The following GOLPH3 variants were observed in gnomAD, a reference collection of about 807,000 sequenced individuals.
The protein encoded by GOLPH3 is coat protein GPP34.
A neutral mutation model predicts 28.5 loss-of-function variants in GOLPH3; 14 were observed. That is an observed-to-expected ratio of 0.49 (90% confidence interval 0.32 to 0.77). The LOEUF is 0.77. GOLPH3 is among the 30% of genes least tolerant of loss of function. The probability of loss-of-function intolerance (pLI) is 0.03; values close to 1 mark genes in which losing one functional copy is unlikely to be tolerated. For synonymous variants in GOLPH3, 158 were observed against 159.2 expected (o/e 0.99, Z 0.06); for missense variants, 350 against 393.7 (o/e 0.89, Z 0.94).
chr5:32,154,186 C>G (rs140205660), intron 1 of GOLPH3, among the ~76,000 whole-genome samples: 4 of 152,194 alleles, frequency 2.6e-5, no homozygotes, highest in African/African-American at 9.7e-5. Flanking sequence ...CCATACCTCA[C>G]TAGATACCAC....
chr5:32,137,901 T>G (rs1213846886), intron 2 of GOLPH3, among the ~76,000 whole-genome samples: 6 of 4,026 alleles, frequency 1.5e-3, no homozygotes, highest in Admixed American at 4.5e-3. Flanking sequence ...AACATTACGG[T>G]TTTTTTTGTT....
At chr5:32,156,255 T>C (rs1433789800) in intron 1 of GOLPH3, among the ~76,000 whole-genome samples, 3 of 152,090 alleles carry the variant, frequency 2.0e-5, no homozygotes, top group African/African-American at 7.2e-5. Flanking sequence ...CCCAGCACTT[T>C]GGGAGGCTGA....
chr5:32,168,196 CTGAA>C (rs1746756007), intron 1 of GOLPH3, among the ~76,000 whole-genome samples: 1 of 152,160 alleles, frequency 6.6e-6, no homozygotes, highest in Non-Finnish European at 1.5e-5. Context: ...TACTTGTTGA[CTGAA>C]TTTCTGATTT....
rs1338137730 is a variant in GOLPH3, at chr5:32,169,895, CCT to C, written c.225+3913_225+3914del. 2.0e-5 allele frequency among the ~76,000 whole-genome samples: 3 copies of C among 151,540 alleles called. No individual in the cohort carries two copies. In the East Asian group the frequency reaches 5.8e-4, roughly 29 times the overall value. ...AAATCTTCTGAGGGGACTAGCCATC[CCT>C]GTTTTATAAAAGCAAAAAACAAATA... is the stretch of plus-strand genomic sequence containing the variant. On this transcript the variant is annotated intron_variant, in intron 1 of 3. Coordinates refer to ENST00000265070, the MANE Select transcript of GOLPH3 (RefSeq NM_022130.4).
chr5:32,153,229 C>T (rs2111872832), intron 1 of GOLPH3, among the ~76,000 whole-genome samples: 2 of 152,044 alleles, frequency 1.3e-5, no homozygotes, highest in South Asian at 4.2e-4. Context: ...TGTATGTAGT[C>T]CATTACCTTG....
Position 32,126,577 on chromosome 5 carries a change from C to T in GOLPH3, c.532G>A (p.Ala178Thr). 4 of 1,614,104 alleles carry T rather than the reference C, an allele frequency of 2.5e-6. No individual in the cohort carries two copies. Among genetic ancestry groups the T allele is most frequent in the Non-Finnish European group, 2.5e-6 (3 of 1,180,000 alleles). Residue 178 changes from alanine (A) to threonine (T), a missense_variant, in exon 4 of 4, where the codon GCT becomes ACT. Physicochemically the swap from Ala to Thr is moderately conservative, Grantham distance 58. Transcript: ENST00000265070. ...ACACCCTTTTCCACCAGGTTTTTAG[C>T]TAATCGTTCCCGTACATTTCTTAAC... The part of the protein sequence containing the change: ...YQLRNVRERL[A>T]KNLVEKGVLT...
At position 32,126,181 on chromosome 5, in the gene GOLPH3, G is replaced by A. The variant is rs201428434; in HGVS notation, c.*31C>T. The A allele has an allele frequency of 1.9e-6, 3 of 1,576,108 alleles. No homozygotes were observed. The highest frequency in any genetic ancestry group is 1.4e-5 in the African/African-American group (1 of 73,648). ...GAAGAAAAACTACTGGTTTACTTGAGAGAAAGGAGAATGGTTCACCCCGAG... is the reference window on the plus strand; with the variant it reads ...GAAGAAAAACTACTGGTTTACTTGAAAGAAAGGAGAATGGTTCACCCCGAG... On this transcript the variant is annotated 3_prime_UTR_variant, in exon 4 of 4. Coordinates refer to ENST00000265070, the MANE Select transcript of GOLPH3 (RefSeq NM_022130.4).
At chr5:32,143,606 T>G in intron 2 of GOLPH3, 143 bp downstream of exon 2, 1 of 718,224 alleles carries the variant, frequency 1.4e-6, no homozygotes, top group Non-Finnish European at 2.2e-6. Context: ...AAACCAAGAA[T>G]GCAAAAAAGA....
intron 2 of GOLPH3, among the ~76,000 whole-genome samples, chr5:32,141,662 G>T (rs1351622003): frequency 3.9e-5 from 6 of 152,224 alleles, no homozygotes; most frequent in Non-Finnish European, 5.9e-5. Context: ...GCCAAAGCTG[G>T]ACGGTACTGC....
At chr5:32,160,416 A>T (rs1465932656) in intron 1 of GOLPH3, among the ~76,000 whole-genome samples, 2 of 152,112 alleles carry the variant, frequency 1.3e-5, no homozygotes, top group Non-Finnish European at 2.9e-5. Context: ...AACTCAATAA[A>T]CTCTACTGAG....
rs78604338 is a variant in GOLPH3, at chr5:32,136,561, G to C, written c.358-875C>G. ...AGTTTATACTCACTGACTCATCACC[G>C]AACCTTGGACTATGTGATCCAGAAA... On this transcript the variant is annotated intron_variant, in intron 2 of 3. Coordinates refer to ENST00000265070, the MANE Select transcript of GOLPH3 (RefSeq NM_022130.4). Among the ~76,000 whole-genome samples, 991 of 151,098 alleles carry C rather than the reference G, an allele frequency of 6.6e-3. 13 individuals carry two copies. Among genetic ancestry groups the C allele is most frequent in the African/African-American group, 0.022 (909 of 41,108 alleles).
At position 32,174,049 on chromosome 5, in the gene GOLPH3, CGCCGAGCCGG is replaced by C. The variant is rs1561692348; in HGVS notation, c.-25_-16del. 9.4e-6 allele frequency: 12 copies of C among 1,272,126 alleles called. No homozygotes were observed. Among genetic ancestry groups the C allele is most frequent in the Non-Finnish European group, 1.2e-5 (12 of 1,014,554 alleles). 78.8% of individuals were successfully genotyped at this position (1,272,126 alleles called of 1,614,324 possible). ...AGCGAGGTCATGGCTCCCGCCGAGG[CGCCGAGCCGG>C]GCCGAGAGGGTCGCAGGACCGACCG... is the stretch of plus-strand genomic sequence containing the variant. On this transcript the variant is annotated 5_prime_UTR_variant, in exon 1 of 4. Transcript: ENST00000265070.
At chr5:32,143,545 C>CGGTT (rs933914891) in intron 2 of GOLPH3, among the ~76,000 whole-genome samples, 3 of 151,952 alleles carry the variant, frequency 2.0e-5, no homozygotes, top group African/African-American at 4.8e-5. Flanking sequence ...ATCCAGTGGC[C>CGGTT]GGTTACCTTA....
intron 1 of GOLPH3, among the ~76,000 whole-genome samples, chr5:32,171,471 C>T (rs971928107): frequency 5.3e-5 from 8 of 151,480 alleles, no homozygotes; most frequent in African/African-American, 1.9e-4. Context: ...ACTCAGAACA[C>T]CAAAAGCTTA....
At chr5:32,170,106 TA>T (rs1746797387) in intron 1 of GOLPH3, among the ~76,000 whole-genome samples, 1 of 152,168 alleles carries the variant, frequency 6.6e-6, no homozygotes, top group African/African-American at 2.4e-5. Flanking sequence ...AGTAATTTTT[TA>T]AATATTATAG....
At position 32,126,224 on chromosome 5, in the gene GOLPH3, C is replaced by T. The variant is rs771157837; in HGVS notation, c.885G>A (p.Ala295=). ...TNEVLWAVVA[A]FTK ...ACCCCGAGCAGAGTTACTTGGTGAA[C>T]GCCGCCACCACCGCCCACAGAACCT... Residue 295 remains alanine (A), a synonymous_variant, in exon 4 of 4, where the codon GCG becomes GCA. Transcript: ENST00000265070. 11 of 1,609,026 alleles carry T rather than the reference C, an allele frequency of 6.8e-6. No homozygotes were observed. The highest frequency in any genetic ancestry group is 5.3e-5 in the African/African-American group (4 of 74,794).
intron 1 of GOLPH3, among the ~76,000 whole-genome samples, chr5:32,149,373 G>A (rs1226388767): frequency 6.6e-6 from 1 of 152,146 alleles, no homozygotes; most frequent in Non-Finnish European, 1.5e-5. Context: ...AAAAGGGAGA[G>A]GTAATGGCTA....
chr5:32,141,740 T>C (rs969918372), intron 2 of GOLPH3, among the ~76,000 whole-genome samples: 1 of 152,194 alleles, frequency 6.6e-6, no homozygotes, highest in Non-Finnish European at 1.5e-5. Context: ...TGCCTGCGAT[T>C]GCAGGCGCGC....
At chr5:32,151,649 C>A (rs905672403) in intron 1 of GOLPH3, among the ~76,000 whole-genome samples, 3 of 151,908 alleles carry the variant, frequency 2.0e-5, no homozygotes, top group African/African-American at 7.3e-5. Context: ...ATACATGAGA[C>A]CTTAACAGCA....
Sources: allele counts gnomAD v4.1 joint callset (sites outside exome capture counted in the v4.1 genomes callset), GRCh38; gene constraint gnomAD v4.1.1; transcripts MANE v1.5; gene names NCBI Gene and HGNC (gene_info 2026-07-23, HGNC 2026-07-21).